GRM7: variants seen among roughly 807,000 people sequenced by gnomAD.
The protein encoded by GRM7 is glutamate metabotropic receptor 7, also known as metabotropic glutamate receptor 7.
A neutral mutation model predicts 84.5 loss-of-function variants in GRM7; 35 were observed. The observed-to-expected ratio is 0.41, with a 90% CI of 0.32 to 0.55. GRM7 has a LOEUF of 0.55. Among genes scored for constraint, GRM7 ranks in the 20% least tolerant of loss-of-function variants. The pLI, the probability that GRM7 is intolerant of heterozygous loss-of-function variation, is 0.19. For missense variants in GRM7, 1,003 were observed against 1,194.6 expected, an observed-to-expected ratio of 0.84 and a Z score of 2.36; for synonymous variants, 487 against 455.1, an observed-to-expected ratio of 1.07 and a Z score of -0.89.
At chr3:7,425,005 A>G (rs368183740) in intron 5 of GRM7, among the ~76,000 whole-genome samples, 1 of 152,200 alleles carries the variant, frequency 6.6e-6, no homozygotes, top group African/African-American at 2.4e-5. Context: ...CATAGAGCTT[A>G]TTTCTCCCTA....
intron 5 of GRM7, among the ~76,000 whole-genome samples, chr3:7,429,344 A>G (rs975950305): frequency 2.6e-5 from 4 of 152,230 alleles, no homozygotes; most frequent in African/African-American, 9.6e-5. Context: ...GATTCAGAGT[A>G]CAAACATTTT....
At chr3:6,926,084 G>A (rs1198427542) in intron 1 of GRM7, among the ~76,000 whole-genome samples, 3 of 151,986 alleles carry the variant, frequency 2.0e-5, no homozygotes, top group African/African-American at 7.3e-5. Flanking sequence ...ACACATGCAC[G>A]TACACCCAAG....
intron 8 of GRM7, among the ~76,000 whole-genome samples, chr3:7,674,360 C>T (rs771050957): frequency 1.3e-5 from 2 of 151,792 alleles, no homozygotes; most frequent in East Asian, 1.9e-4. Context: ...CCTAGCTAAC[C>T]GTTGTATTTT....
chr3:7,021,950 A>G (rs985539333), intron 1 of GRM7, among the ~76,000 whole-genome samples: 2 of 152,202 alleles, frequency 1.3e-5, no homozygotes, highest in Admixed American at 1.3e-4. Flanking sequence ...GCTTTTTCAT[A>G]TAGAAATAAA....
chr3:7,340,023 A>G (rs949307997), intron 4 of GRM7, among the ~76,000 whole-genome samples: 1 of 152,176 alleles, frequency 6.6e-6, no homozygotes, highest in South Asian at 2.1e-4. Flanking sequence ...TTCAGAGTAT[A>G]GTAATATTAT....
chr3:7,680,430 AGCTTCT>A (rs1354389186), intron 9 of GRM7, 135 bp downstream of exon 9: 1 of 808,898 alleles, frequency 1.2e-6, no homozygotes, highest in Non-Finnish European at 2.0e-6. Context: ...GGTGAATGCC[AGCTTCT>A]GCTCTTTTGA....
At chr3:7,119,029 G>A (rs1375814213) in intron 1 of GRM7, among the ~76,000 whole-genome samples, 8 of 152,114 alleles carry the variant, frequency 5.3e-5, no homozygotes, top group Middle Eastern at 3.4e-3. Context: ...GGTTTAAAGC[G>A]TAGCAACAAA....
intron 1 of GRM7, among the ~76,000 whole-genome samples, chr3:6,983,229 G>A (rs1454484002): frequency 6.6e-6 from 1 of 152,160 alleles, no homozygotes; most frequent in Non-Finnish European, 1.5e-5. Context: ...GACTATCCAA[G>A]ATTGTTTGGA....
intron 2 of GRM7, among the ~76,000 whole-genome samples, chr3:7,235,571 G>A (rs767854694): frequency 6.6e-6 from 1 of 152,124 alleles, no homozygotes; most frequent in Non-Finnish European, 1.5e-5. Context: ...TTTGATCTAA[G>A]CCACCAAGGA....
rs143973225 is a variant in GRM7, at chr3:7,285,641, T to C, written c.737-13043T>C. 6.8e-3 allele frequency among the ~76,000 whole-genome samples: 1,029 copies of C among 152,194 alleles called. 8 individuals are homozygous for C. Among genetic ancestry groups the C allele is most frequent in the African/African-American group, 0.024 (978 of 41,536 alleles). On this transcript the variant is annotated intron_variant, in intron 2 of 9. Transcript: ENST00000357716. Reference sequence around the variant, plus strand: ...ACATCCATAGAAACTCTTCTATTCCTTGAGGGCCAGGCCAGAATGTGTGCG... The same window carrying C: ...ACATCCATAGAAACTCTTCTATTCCCTGAGGGCCAGGCCAGAATGTGTGCG...
chr3:7,244,330 G>A (rs887134315), intron 2 of GRM7, among the ~76,000 whole-genome samples: 2 of 151,988 alleles, frequency 1.3e-5, no homozygotes. Context: ...CAATCGACTG[G>A]TGGTGACCAC....
intron 1 of GRM7, among the ~76,000 whole-genome samples, chr3:7,082,164 A>G (rs990264464): frequency 6.6e-6 from 1 of 152,266 alleles, no homozygotes; most frequent in South Asian, 2.1e-4. Flanking sequence ...TTTTGTAGGT[A>G]TAGAGAAATC....
intron 1 of GRM7, among the ~76,000 whole-genome samples, chr3:6,930,825 G>A (rs17693679): frequency 0.069 from 10,457 of 152,248 alleles, 468 homozygotes; most frequent in Middle Eastern, 0.1. Flanking sequence ...ATAAGAATGC[G>A]TCTTTTCCTA....
intron 7 of GRM7, among the ~76,000 whole-genome samples, chr3:7,526,738 G>A (rs774858177): frequency 5.3e-5 from 8 of 151,898 alleles, no homozygotes; most frequent in African/African-American, 7.2e-5. Flanking sequence ...TTATGCTCCT[G>A]CGTATGGTTA....
chr3:7,224,154 T>C (rs2124882953), intron 2 of GRM7, among the ~76,000 whole-genome samples: 1 of 152,322 alleles, frequency 6.6e-6, no homozygotes, highest in African/African-American at 2.4e-5. Context: ...GACTCACAGT[T>C]CTGCAGGCTG....
intron 2 of GRM7, among the ~76,000 whole-genome samples, chr3:7,225,726 T>C (rs1696962918): frequency 6.6e-6 from 1 of 151,868 alleles, no homozygotes; most frequent in African/African-American, 2.4e-5. Context: ...AGAAGTACAA[T>C]AGTTTTAATA....
intron 1 of GRM7, among the ~76,000 whole-genome samples, chr3:6,922,435 A>T (rs339012): frequency 0.21 from 32,690 of 152,194 alleles, 3,581 homozygotes; most frequent in East Asian, 0.31. Flanking sequence ...TACTTCATAG[A>T]AAGTTGGCTG....
At chr3:7,030,029 G>A (rs967187579) in intron 1 of GRM7, among the ~76,000 whole-genome samples, 6 of 152,116 alleles carry the variant, frequency 3.9e-5, no homozygotes, top group South Asian at 2.1e-4. Flanking sequence ...GCCAAATACT[G>A]GAGACAATCA....
chr3:7,380,959 G>T (rs553442348), intron 4 of GRM7, among the ~76,000 whole-genome samples: 1 of 152,088 alleles, frequency 6.6e-6, no homozygotes, highest in African/African-American at 2.4e-5. Flanking sequence ...AAGGAAGACC[G>T]TGTGTTTTGA....
Sources: allele counts gnomAD v4.1 joint callset (sites outside exome capture counted in the v4.1 genomes callset), GRCh38; gene constraint gnomAD v4.1.1; transcripts MANE v1.5; gene names NCBI Gene and HGNC (gene_info 2026-07-23, HGNC 2026-07-21).